WDR70: variants seen among roughly 807,000 people sequenced by gnomAD.
WDR70 encodes WD repeat-containing protein 70.
A neutral mutation model predicts 88.6 loss-of-function variants in WDR70; 53 were observed. The observed-to-expected ratio is 0.60, with a 90% confidence interval of 0.48 to 0.75. The LOEUF is 0.75. WDR70 is among the 30% of genes least tolerant of loss of function. The probability of loss-of-function intolerance (pLI) is 0.00; values close to 1 mark genes in which losing one functional copy is unlikely to be tolerated. For synonymous variants in WDR70, 280 were observed against 270.0 expected (o/e 1.04, Z -0.36); for missense variants, 610 against 823.2 (o/e 0.74, Z 3.17).
rs980826375 is a variant in WDR70 at position 37,512,748 on chromosome 5, A to AT, written c.841-3758dup. On this transcript the variant is annotated intron_variant, in intron 8 of 17. Coordinates refer to ENST00000265107, the MANE Select transcript of WDR70 (RefSeq NM_018034.4). ...CGTTGTGTGCCACCATGCCTGGATA[A>AT]TTTTTTTTCTTTTTTTTGTAGAGAT... is the stretch of plus-strand genomic sequence containing the variant. 1.1e-4 allele frequency among the ~76,000 whole-genome samples: 16 copies of AT among 148,604 alleles called. No individual in the cohort carries two copies. In the East Asian group the frequency reaches 2.8e-3, roughly 26 times the overall value.
intron 10 of WDR70, among the ~76,000 whole-genome samples, chr5:37,647,692 C>CAG (rs1180222395): frequency 6.6e-6 from 1 of 152,204 alleles, no homozygotes; most frequent in African/African-American, 2.4e-5. Context: ...GATTATCAGG[C>CAG]AGAGACTTGT....
chr5:37,743,928 G>A (rs1025588667), intron 17 of WDR70, among the ~76,000 whole-genome samples: 3 of 152,156 alleles, frequency 2.0e-5, no homozygotes, highest in Non-Finnish European at 2.9e-5. Context: ...AAAGTGCTTC[G>A]TTAAATGGGT....
intron 17 of WDR70, among the ~76,000 whole-genome samples, chr5:37,747,841 A>G (rs1170393416): frequency 6.6e-6 from 1 of 152,190 alleles, no homozygotes; most frequent in East Asian, 1.9e-4. Context: ...CTTTACACCA[A>G]CAGTAGACAA....
intron 10 of WDR70, among the ~76,000 whole-genome samples, chr5:37,606,568 TTTGTC>T (rs1744036595): frequency 6.6e-6 from 1 of 152,148 alleles, no homozygotes. Context: ...TTTTTAAAGA[TTTGTC>T]TTGTGTATCT....
At chr5:37,492,023 T>C (rs1005335813) in intron 8 of WDR70, among the ~76,000 whole-genome samples, 1 of 152,230 alleles carries the variant, frequency 6.6e-6, no homozygotes, top group Non-Finnish European at 1.5e-5. Context: ...ATACTTTCCC[T>C]AATTTGATCC....
intron 7 of WDR70, among the ~76,000 whole-genome samples, chr5:37,465,895 C>T (rs2112118469): frequency 6.6e-6 from 1 of 151,816 alleles, no homozygotes; most frequent in South Asian, 2.1e-4. Context: ...TGTTTCTCCA[C>T]CAGAATTCCT....
chr5:37,738,172 A>C (rs749495426), intron 17 of WDR70, among the ~76,000 whole-genome samples: 9 of 152,186 alleles, frequency 5.9e-5, no homozygotes, highest in Non-Finnish European at 8.8e-5. Flanking sequence ...GTCAGAGTTC[A>C]TCTGGGCCAT....
chr5:37,624,548 A>G (rs149435332), intron 10 of WDR70, among the ~76,000 whole-genome samples: 150 of 152,256 alleles, frequency 9.9e-4, no homozygotes, highest in African/African-American at 3.5e-3. Context: ...TCCTTTGGAT[A>G]CCGTAGGGGA....
At chr5:37,481,308 C>T (rs1739660875) in intron 8 of WDR70, among the ~76,000 whole-genome samples, 1 of 152,006 alleles carries the variant, frequency 6.6e-6, no homozygotes, top group South Asian at 2.1e-4. Context: ...TGACACTGCC[C>T]TACCAGAGGT....
chr5:37,511,495 C>T (rs1048970816), intron 8 of WDR70, among the ~76,000 whole-genome samples: 1 of 151,946 alleles, frequency 6.6e-6, no homozygotes, highest in East Asian at 1.9e-4. Flanking sequence ...GTTTCCTACC[C>T]CATCTCTGTA....
Position 37,657,358 on chromosome 5 carries a change from C to T in WDR70, c.1093-40297C>T, listed in dbSNP as rs902075980. Reference sequence around the variant, plus strand: ...AGTCCCAATGAGATAAGCCAGGTACCCCAGTTGGAAATGCAGAAATCACCC... The same window carrying T: ...AGTCCCAATGAGATAAGCCAGGTACTCCAGTTGGAAATGCAGAAATCACCC... On this transcript the variant is annotated intron_variant, in intron 10 of 17. Transcript: ENST00000265107. 2.0e-5 allele frequency among the ~76,000 whole-genome samples: 3 copies of T among 152,134 alleles called. No individual in the cohort carries two copies. In the East Asian group the frequency reaches 5.8e-4, roughly 29 times the overall value.
chr5:37,682,493 C>T (rs1746468361), intron 10 of WDR70, among the ~76,000 whole-genome samples: 1 of 145,242 alleles, frequency 6.9e-6, no homozygotes, highest in South Asian at 2.2e-4. Flanking sequence ...TTTTGCTTCT[C>T]TAGTTCTTTT....
At position 37,472,425 on chromosome 5, in the gene WDR70, A is replaced by C. The variant is rs60609972; in HGVS notation, c.687-7409A>C. ...TGTTTTACTCAATAAAATGTTTATGACATTTATCCATGTATTTCATTGCAT... is the reference window on the plus strand; with the variant it reads ...TGTTTTACTCAATAAAATGTTTATGCCATTTATCCATGTATTTCATTGCAT... On this transcript the variant is annotated intron_variant, in intron 7 of 17. Coordinates refer to ENST00000265107, the MANE Select transcript of WDR70 (RefSeq NM_018034.4). Among the ~76,000 whole-genome samples, 2 of 152,040 alleles carry C rather than the reference A, an allele frequency of 1.3e-5. 1 individual carries two copies. The highest frequency in any genetic ancestry group is 4.1e-4 in the South Asian group (2 of 4,832).
At chr5:37,496,105 C>T (rs2112204295) in intron 8 of WDR70, among the ~76,000 whole-genome samples, 1 of 152,280 alleles carries the variant, frequency 6.6e-6, no homozygotes, top group Non-Finnish European at 1.5e-5. Flanking sequence ...AATCAGCACT[C>T]TGTGTCTAAC....
chr5:37,450,334 C>G (rs1319362260), intron 7 of WDR70, among the ~76,000 whole-genome samples: 2 of 152,034 alleles, frequency 1.3e-5, no homozygotes, highest in Non-Finnish European at 2.9e-5. Context: ...GCTCATTGCT[C>G]CTGGGATGTC....
At chr5:37,512,529 T>C (rs1048616724) in intron 8 of WDR70, among the ~76,000 whole-genome samples, 1 of 151,692 alleles carries the variant, frequency 6.6e-6, no homozygotes, top group Non-Finnish European at 1.5e-5. Context: ...CTCTTCTATC[T>C]CTTATAAGGA....
At chr5:37,701,385 T>C (rs1416630818) in intron 12 of WDR70, among the ~76,000 whole-genome samples, 1 of 152,232 alleles carries the variant, frequency 6.6e-6, no homozygotes, top group Non-Finnish European at 1.5e-5. Flanking sequence ...GTGTATTGTA[T>C]GCACGCACAA....
At chr5:37,402,518 T>A (rs1749228101) in intron 5 of WDR70, among the ~76,000 whole-genome samples, 1 of 152,054 alleles carries the variant, frequency 6.6e-6, no homozygotes, top group South Asian at 2.1e-4. Flanking sequence ...AATTGATAAA[T>A]AATATATATA....
At chr5:37,703,195 C>G in intron 13 of WDR70, 108 bp downstream of exon 13, 1 of 1,335,144 alleles carries the variant, frequency 7.5e-7, no homozygotes, top group African/African-American at 1.4e-5. Context: ...CCTTAGAGCA[C>G]GGTGATAGCT....
Sources: gnomAD v4.1 joint callset for allele counts (sites outside exome capture counted in the v4.1 genomes callset) on GRCh38, gnomAD v4.1.1 for gene constraint, MANE v1.5 for transcripts, NCBI Gene and HGNC (gene_info 2026-07-23, HGNC 2026-07-21) for gene names.